PACRG: variants seen among roughly 807,000 people sequenced by gnomAD.
PACRG encodes parkin coregulated gene protein.
Under a neutral mutation model 29.7 loss-of-function variants are expected in PACRG, and 29 were observed. The ratio of observed to expected loss-of-function variants is 0.98; its 90% CI spans 0.73 to 1.33. The LOEUF (loss-of-function observed/expected upper bound fraction) is 1.33. PACRG is among the 40% of genes most tolerant of loss of function. The pLI, the probability that PACRG is intolerant of heterozygous loss-of-function variation, is 0.00. For synonymous variants in PACRG, 116 were observed against 118.7 expected (o/e 0.98, Z 0.15); for missense variants, 279 against 316.2 (o/e 0.88, Z 0.89).
intron 4 of PACRG, among the ~76,000 whole-genome samples, chr6:163,291,838 G>C (rs980346423): frequency 6.6e-6 from 1 of 152,198 alleles, no homozygotes; most frequent in Non-Finnish European, 1.5e-5. Flanking sequence ...GAGGTGGGGA[G>C]GCCCTGACTC....
At chr6:162,735,436 G>A (rs985932356) in intron 1 of PACRG, among the ~76,000 whole-genome samples, 8 of 152,028 alleles carry the variant, frequency 5.3e-5, no homozygotes, top group Admixed American at 4.6e-4. Context: ...AAGTATTCCA[G>A]TAGGTATGTA....
chr6:162,805,842 T>C (rs1786275756), intron 1 of PACRG, among the ~76,000 whole-genome samples: 1 of 152,188 alleles, frequency 6.6e-6, no homozygotes, highest in African/African-American at 2.4e-5. Context: ...TCTTCACTTC[T>C]AATTCTAGAC....
chr6:162,926,829 T>C (rs1797475290), intron 2 of PACRG, among the ~76,000 whole-genome samples: 1 of 152,102 alleles, frequency 6.6e-6, no homozygotes, highest in African/African-American at 2.4e-5. Flanking sequence ...CTAAAGAGCT[T>C]CTGCACAGCA....
rs111542018 is a variant in PACRG, at chr6:162,750,313, A to G, written c.156+21922A>G. 8.4e-3 allele frequency among the ~76,000 whole-genome samples: 1,277 copies of G among 152,326 alleles called. 19 individuals carry two copies. Among genetic ancestry groups the G allele is most frequent in the African/African-American group, 0.029 (1,226 of 41,576 alleles). The stretch of plus-strand genomic sequence containing the variant: ...TTGAAAATTTGAATGATAGCACATT[A>G]AACTGGAATAATGAACCAATAAAAG... On this transcript the variant is annotated intron_variant, in intron 1 of 4. Transcript: ENST00000366888.
In PACRG at chr6:162,970,773, T is replaced by A. The variant is rs368209004; in HGVS notation, c.292-91377T>A. ...CTGTAAATCAAAGGAATGAAATACT[T>A]CTCATCACAATTCAGATCCCAAACA... On this transcript the variant is annotated intron_variant, in intron 2 of 4. Transcript: ENST00000366888. 1.1e-4 allele frequency among the ~76,000 whole-genome samples: 16 copies of A among 152,284 alleles called. No homozygotes were observed. The East Asian group carries it at 2.9e-3, about 28-fold the overall frequency.
chr6:163,298,289 A>G (rs529149533), intron 4 of PACRG, among the ~76,000 whole-genome samples: 1 of 152,130 alleles, frequency 6.6e-6, no homozygotes, highest in African/African-American at 2.4e-5. Flanking sequence ...AAAATAATAC[A>G]TGGGAAAAGG....
chr6:162,922,061 C>G (rs1462068588), intron 2 of PACRG, among the ~76,000 whole-genome samples: 4 of 151,958 alleles, frequency 2.6e-5, no homozygotes, highest in Non-Finnish European at 4.4e-5. Flanking sequence ...GTCTAGTCCC[C>G]ACTCCAGGCT....
Position 163,303,964 on chromosome 6 carries a change from C to T in PACRG, c.614-10863C>T, listed in dbSNP as rs549689634. Among the ~76,000 whole-genome samples the T allele has an allele frequency of 3.8e-4, 53 of 138,130 alleles. 1 individual carries two copies. The highest frequency in any genetic ancestry group is 3.2e-3 in the Admixed American group (39 of 12,254). The allele number at this position is 138,130 out of a possible 152,430, so 90.6% of individuals were successfully genotyped here. A position where few individuals can be genotyped will look rare whatever the true frequency, so the allele number is the denominator to read the frequency against. On this transcript the variant is annotated intron_variant, in intron 4 of 4. Coordinates refer to ENST00000366888, the MANE Select transcript of PACRG (RefSeq NM_001080379.2). ...AGGGAAGGTGGAGGTTGCAGCGAGC[C>T]GAGATTGAGCCATCACACTCCAGCC... is the stretch of plus-strand genomic sequence containing the variant.
At chr6:162,951,494 T>C (rs1799648846) in intron 2 of PACRG, among the ~76,000 whole-genome samples, 1 of 152,156 alleles carries the variant, frequency 6.6e-6, no homozygotes, top group Non-Finnish European at 1.5e-5. Context: ...TCAGCCACAG[T>C]CTGTTTTATC....
At chr6:163,176,464 T>C (rs947829570) in intron 4 of PACRG, among the ~76,000 whole-genome samples, 15 of 152,238 alleles carry the variant, frequency 9.9e-5, no homozygotes, top group African/African-American at 3.6e-4. Context: ...TTGACTCTTT[T>C]GCTTTTGATT....
chr6:162,740,533 GTCTTGA>G (rs1408056809), intron 1 of PACRG, among the ~76,000 whole-genome samples: 1 of 151,138 alleles, frequency 6.6e-6, no homozygotes, highest in African/African-American at 2.4e-5. Flanking sequence ...AGCCAGGATG[GTCTTGA>G]TCTCCTGACC....
At chr6:162,817,693 G>A (rs183360687) in intron 2 of PACRG, among the ~76,000 whole-genome samples, 1 of 152,056 alleles carries the variant, frequency 6.6e-6, no homozygotes, top group Non-Finnish European at 1.5e-5. Flanking sequence ...AAATAGCCAC[G>A]TGGTTACCAT....
intron 3 of PACRG, among the ~76,000 whole-genome samples, chr6:163,065,459 C>G (rs1811452526): frequency 6.6e-6 from 1 of 152,082 alleles, no homozygotes; most frequent in Non-Finnish European, 1.5e-5. Context: ...GGGGATTCTT[C>G]CAAAACAGCG....
At chr6:162,731,697 G>A (rs1779782792) in intron 1 of PACRG, among the ~76,000 whole-genome samples, 1 of 151,980 alleles carries the variant, frequency 6.6e-6, no homozygotes, top group Admixed American at 6.5e-5. Flanking sequence ...TTTCAGATAA[G>A]GGATAGTTCA....
intron 4 of PACRG, among the ~76,000 whole-genome samples, chr6:163,210,505 C>A (rs1301646536): frequency 6.6e-6 from 1 of 152,192 alleles, no homozygotes; most frequent in Non-Finnish European, 1.5e-5. Context: ...GGTGGAGCTT[C>A]CAAGCGGATG....
intron 4 of PACRG, among the ~76,000 whole-genome samples, chr6:163,256,451 A>C (rs1218583102): frequency 6.6e-6 from 1 of 152,236 alleles, no homozygotes; most frequent in Admixed American, 6.5e-5. Flanking sequence ...GATCAATTTC[A>C]TGAAGAAAAA....
chr6:163,004,506 A>G (rs753457158), intron 2 of PACRG, among the ~76,000 whole-genome samples: 17 of 151,552 alleles, frequency 1.1e-4, no homozygotes, highest in African/African-American at 2.7e-4. Flanking sequence ...AGCGCCTTAT[A>G]AAACCATCAG....
intron 2 of PACRG, among the ~76,000 whole-genome samples, chr6:162,825,370 A>G (rs996252492): frequency 3.9e-5 from 6 of 152,148 alleles, no homozygotes; most frequent in African/African-American, 1.4e-4. Context: ...ACATCTCTGC[A>G]TCTCCGTTCT....
chr6:162,982,345 G>A (rs998109875), intron 2 of PACRG, among the ~76,000 whole-genome samples: 1 of 151,798 alleles, frequency 6.6e-6, no homozygotes, highest in Non-Finnish European at 1.5e-5. Context: ...TGCTGGGTTT[G>A]GGTTTGGTTT....
Sources: allele counts gnomAD v4.1 joint callset (sites outside exome capture counted in the v4.1 genomes callset), GRCh38; gene constraint gnomAD v4.1.1; transcripts MANE v1.5; gene names NCBI Gene and HGNC (gene_info 2026-07-23, HGNC 2026-07-21).